KCNQ2: variants seen among roughly 807,000 people sequenced by gnomAD.
KCNQ2 encodes potassium voltage-gated channel subfamily KQT member 2.
Under a neutral mutation model 84.8 loss-of-function variants are expected in KCNQ2, and 14 were observed. The ratio of observed to expected loss-of-function variants is 0.17; its 90% CI spans 0.11 to 0.26. The LOEUF (loss-of-function observed/expected upper bound fraction) is 0.26. Ranked by LOEUF, KCNQ2 falls within the 10% of genes least tolerant of loss-of-function variation. The pLI is 1.00. For missense variants in KCNQ2, 788 were observed against 1,254.0 expected (o/e 0.63, Z 5.61); for synonymous variants, 599 against 554.1 (o/e 1.08, Z -1.14).
rs563291132 is a variant in KCNQ2, at chr20:63,407,263, G to A, written c.2000C>T (p.Ala667Val). ...GTCTTCCGGGCTGTGGTACGGCGGCGCCGGCTCCGGCTCTTTGGCCCCAAA... is the reference window on the plus strand; with the variant it reads ...GTCTTCCGGGCTGTGGTACGGCGGCACCGGCTCCGGCTCTTTGGCCCCAAA... The part of the protein sequence containing the change: ...AYFGAKEPEP[A>V]PPYHSPEDSR... The change falls in exon 17 of 17, where the codon GCG (alanine) becomes GTG (valine). Residue 667 changes from alanine (A) to valine (V), a missense_variant. Coordinates refer to ENST00000359125, the MANE Select transcript of KCNQ2 (RefSeq NM_172107.4). The surrounding 1 kb of genome is among the most constrained non-coding windows in gnomAD (Gnocchi z 7.2). 2.5e-6 allele frequency: 4 copies of A among 1,597,200 alleles called. No individual in the cohort carries two copies. The African/African-American group carries it at 4.0e-5, about 16-fold the overall frequency.
rs142729516 is a variant in KCNQ2, at chr20:63,406,933, G to A, written c.2330C>T (p.Pro777Leu). 2.5e-6 allele frequency: 4 copies of A among 1,600,398 alleles called. No individual in the cohort carries two copies. In the South Asian group the frequency reaches 4.5e-5, roughly 18 times the overall value. Residue 777 changes from proline to leucine, a missense_variant, in exon 17 of 17, where the codon CCC becomes CTC. By Grantham distance (98) the Pro-to-Leu change is moderately conservative. This residue lies in a region of KCNQ2 where 378 missense variants were observed against 434.5 expected (regional missense o/e 0.87). Transcript: ENST00000359125. ...RQEDTPGCRP[P>L]EGNLRDSDTS... is the part of the protein sequence containing the mutation. ...GTCGCTGTCCCGCAGGTTCCCCTCGGGGGGCCTGCAGCCCGGGGTGTCCTC... is the reference window on the plus strand; with the variant it reads ...GTCGCTGTCCCGCAGGTTCCCCTCGAGGGGCCTGCAGCCCGGGGTGTCCTC...
chr20:63,452,077 C>A (rs891454678), intron 1 of KCNQ2, among the ~76,000 whole-genome samples: 1 of 152,266 alleles, frequency 6.6e-6, no homozygotes, highest in Non-Finnish European at 1.5e-5. Flanking sequence ...CCAGAGCCAA[C>A]TGAGGCCTGG....
intron 12 of KCNQ2, among the ~76,000 whole-genome samples, chr20:63,418,198 C>T (rs923890525): frequency 3.3e-5 from 5 of 152,208 alleles, no homozygotes; most frequent in African/African-American, 9.7e-5. Flanking sequence ...CAAGAACAAG[C>T]GCACGCGAAA....
intron 15 of KCNQ2, 86 bp downstream of exon 15, chr20:63,413,364 C>T (rs1256161278): frequency 1.3e-6 from 2 of 1,545,462 alleles, no homozygotes; most frequent in African/African-American, 1.4e-5. Context: ...ACACCCCCTG[C>T]ACTCCCACCA....
chr20:63,429,371 C>G (rs1419865498), intron 9 of KCNQ2, among the ~76,000 whole-genome samples: 1 of 152,118 alleles, frequency 6.6e-6, no homozygotes, highest in Non-Finnish European at 1.5e-5. Flanking sequence ...CCTCCCCACA[C>G]CCACCTGTGG....
chr20:63,400,753 G>A lies in KCNQ2; in HGVS notation c.*5891C>T. The A allele has an allele frequency of 2.5e-6, 1 of 398,278 alleles. No individual in the cohort carries two copies. Among genetic ancestry groups the A allele is most frequent in the Admixed American group, 4.4e-5 (1 of 22,726 alleles). The allele number at this position is 398,278 out of a possible 1,614,324, so 24.7% of individuals were successfully genotyped here. ...CGTGTGGATCCCGGGCAGAGGGATG[G>A]CGTCCAGCGGGACCACCAGCTCTGG... On this transcript the variant is annotated 3_prime_UTR_variant, in exon 17 of 17. Coordinates refer to ENST00000359125, the MANE Select transcript of KCNQ2 (RefSeq NM_172107.4). This position sits in a 1 kb window ranked among gnomAD's most constrained non-coding sequence, Gnocchi z 8.7.
intron 12 of KCNQ2, among the ~76,000 whole-genome samples, chr20:63,417,955 C>G (rs2080347656): frequency 1.3e-5 from 2 of 152,294 alleles, no homozygotes; most frequent in South Asian, 4.1e-4. Context: ...CCCTGCTGTC[C>G]CGGGTCTCGG....
chr20:63,413,593 TG>T lies in KCNQ2; in HGVS notation c.1632-13del. On this transcript the variant is annotated splice_polypyrimidine_tract_variant and intron_variant, in intron 14 of 16. Coordinates refer to ENST00000359125, the MANE Select transcript of KCNQ2 (RefSeq NM_172107.4). ...GGAACCGCATGACACTGCAGGGGGG[TG>T]GGTGGGGCTGTGAGCCCTGGGCCAG... 1 of 1,571,704 alleles carries T rather than the reference TG, an allele frequency of 6.4e-7. No homozygotes were observed. Among genetic ancestry groups the T allele is most frequent in the Non-Finnish European group, 8.7e-7 (1 of 1,145,382 alleles).
chr20:63,433,698 T>G, intron 8 of KCNQ2, 111 bp downstream of exon 8: 1 of 1,592,554 alleles, frequency 6.3e-7, no homozygotes, highest in Non-Finnish European at 8.6e-7. Context: ...AAAATACATT[T>G]TAAAGAAAAA....
At position 63,414,073 on chromosome 20, in the gene KCNQ2, G is replaced by T; in HGVS notation, c.1631+15C>A. 1 of 1,599,784 alleles carries T rather than the reference G, an allele frequency of 6.3e-7. No homozygotes were observed. Among genetic ancestry groups the T allele is most frequent in the Non-Finnish European group, 8.6e-7 (1 of 1,167,764 alleles). On this transcript the variant is annotated intron_variant, in intron 14 of 16. Coordinates refer to ENST00000359125, the MANE Select transcript of KCNQ2 (RefSeq NM_172107.4). The surrounding 1 kb of genome is among the most constrained non-coding windows in gnomAD (Gnocchi z 6.6). ...TCCTCACTCCCCCAGGCTCCCGGCTGGGCAGGGGCCTCACCACACGGCTCT... is the reference window on the plus strand; with the variant it reads ...TCCTCACTCCCCCAGGCTCCCGGCTTGGCAGGGGCCTCACCACACGGCTCT...
At chr20:63,466,306 C>T (rs960320603) in intron 1 of KCNQ2, 2 of 150,972 alleles carry the variant, frequency 1.3e-5, no homozygotes, top group Admixed American at 6.6e-5. Context: ...ACGCTCGAGC[C>T]GGGGCCCCGC....
At chr20:63,430,989 G>A (rs1490013944) in intron 9 of KCNQ2, among the ~76,000 whole-genome samples, 1 of 152,228 alleles carries the variant, frequency 6.6e-6, no homozygotes, top group Non-Finnish European at 1.5e-5. Context: ...GGTGGGGATG[G>A]AGGCACGAGG....
chr20:63,424,337 C>G, intron 10 of KCNQ2, 131 bp from the exon 11 acceptor site: 1 of 1,118,642 alleles, frequency 8.9e-7, no homozygotes, highest in Admixed American at 2.0e-5. Context: ...AAAGGCTGGG[C>G]AGGGGTGGAG....
intron 11 of KCNQ2, chr20:63,423,969 C>G (rs549703810): frequency 3.4e-4 from 209 of 618,334 alleles, no homozygotes; most frequent in East Asian, 5.7e-5. Context: ...AAAGTAAAAC[C>G]GAATCACTGG....
intron 7 of KCNQ2, among the ~76,000 whole-genome samples, chr20:63,435,894 C>CAAT (rs1555867531): frequency 4.6e-5 from 7 of 151,728 alleles, no homozygotes; most frequent in African/African-American, 1.2e-4. Context: ...GCTCATCTCT[C>CAAT]GAGAGTCCCC....
In KCNQ2 at chr20:63,408,763, C is replaced by G. The variant is rs1285375908; in HGVS notation, c.1764-227G>C. ...TCCTGCCCGCTCTGTCCCCAAGGGG[C>G]CTGGCACATTAGCGAGGAGTAAAGT... On this transcript the variant is annotated intron_variant, in intron 15 of 16. Transcript: ENST00000359125. The surrounding 1 kb of genome is among the most constrained non-coding windows in gnomAD (Gnocchi z 5.0). Among the ~76,000 whole-genome samples, 1 of 152,342 alleles carries G rather than the reference C, an allele frequency of 6.6e-6. No homozygotes were observed. Among genetic ancestry groups the G allele is most frequent in the East Asian group, 1.9e-4 (1 of 5,182 alleles).
chr20:63,429,023 C>T (rs2145641179), intron 9 of KCNQ2, among the ~76,000 whole-genome samples: 1 of 152,146 alleles, frequency 6.6e-6, no homozygotes, highest in East Asian at 1.9e-4. Flanking sequence ...AGCCCCCTTC[C>T]CAGTCCTGGT....
chr20:63,426,647 T>A (rs938552231), intron 10 of KCNQ2, among the ~76,000 whole-genome samples: 1 of 152,114 alleles, frequency 6.6e-6, no homozygotes, highest in Non-Finnish European at 1.5e-5. Context: ...TGGCTAAATA[T>A]CCCAGTTCAT....
intron 1 of KCNQ2, among the ~76,000 whole-genome samples, chr20:63,470,524 C>A (rs1363321253): frequency 6.6e-6 from 1 of 152,226 alleles, no homozygotes. Context: ...CAGGCCCAGG[C>A]AGGGGGCGGC....
Sources: gnomAD v4.1 joint callset for allele counts (sites outside exome capture counted in the v4.1 genomes callset) on GRCh38, gnomAD v4.1.1 for gene constraint, gnomAD v4.1.1 regional missense constraint, Gnocchi (gnomAD v3.1) non-coding constraint, MANE v1.5 for transcripts, NCBI Gene and HGNC (gene_info 2026-07-23, HGNC 2026-07-21) for gene names.